The following ENPP1 variants were observed in gnomAD, a reference collection of about 807,000 sequenced individuals.
ENPP1 encodes ectonucleotide pyrophosphatase/phosphodiesterase 1.
Under a neutral mutation model 122.8 loss-of-function variants are expected in ENPP1, and 73 were observed. The ratio of observed to expected loss-of-function variants is 0.59; its 90% CI spans 0.49 to 0.72. ENPP1 has a LOEUF of 0.72. Ranked by LOEUF, ENPP1 falls within the 30% of genes least tolerant of loss-of-function variation. The pLI, the probability that ENPP1 is intolerant of heterozygous loss-of-function variation, is 0.00. For missense variants in ENPP1, 978 were observed against 1,128.1 expected, an observed-to-expected ratio of 0.87 and a Z score of 1.91; for synonymous variants, 367 against 391.6, an observed-to-expected ratio of 0.94 and a Z score of 0.74.
At chr6:131,886,117 A>G (rs1389861717) in intron 23 of ENPP1, among the ~76,000 whole-genome samples, 1 of 152,248 alleles carries the variant, frequency 6.6e-6, no homozygotes, top group Non-Finnish European at 1.5e-5. Context: ...AGAACAAACA[A>G]TTCATGACAA....
rs62424484 is a variant in ENPP1 at position 131,861,972 on chromosome 6, C to A, written c.1025+268C>A. Among the ~76,000 whole-genome samples the A allele has an allele frequency of 0.048, 7,321 of 151,998 alleles. 278 individuals carry two copies. Among genetic ancestry groups the A allele is most frequent in the African/African-American group, 0.1 (4,135 of 41,464 alleles). On this transcript the variant is annotated intron_variant, in intron 9 of 24. Coordinates refer to ENST00000647893, the MANE Select transcript of ENPP1 (RefSeq NM_006208.3). ...TCACCTGAGGTCAGGAGTTTGAGAC[C>A]AGCCTGACCAAAGTGGTAAAACCCC...
At chr6:131,840,753 G>T (rs1308661250) in intron 1 of ENPP1, among the ~76,000 whole-genome samples, 1 of 152,150 alleles carries the variant, frequency 6.6e-6, no homozygotes, top group Non-Finnish European at 1.5e-5. Flanking sequence ...TGTCTCTCCC[G>T]CACTAGGTCA....
intron 18 of ENPP1, chr6:131,877,573 G>T (rs1038728488): frequency 2.7e-5 from 5 of 181,956 alleles, no homozygotes; most frequent in Admixed American, 2.2e-4. Flanking sequence ...TTGTTTAAAT[G>T]TAGGGAGAAA....
At chr6:131,875,212 A>C (rs545677477) in intron 16 of ENPP1, among the ~76,000 whole-genome samples, 1 of 152,312 alleles carries the variant, frequency 6.6e-6, no homozygotes, top group South Asian at 2.1e-4. Flanking sequence ...AAATTCATAA[A>C]GTTAAAAAAT....
At chr6:131,878,428 C>G (rs183472754) in intron 18 of ENPP1, 114 bp from the exon 19 acceptor site, 4 of 743,550 alleles carry the variant, frequency 5.4e-6, no homozygotes, top group Non-Finnish European at 9.6e-6. Context: ...TAATACAAGA[C>G]TATCATAAAT....
intron 19 of ENPP1, 69 bp downstream of exon 19, chr6:131,878,662 G>T: frequency 8.8e-7 from 1 of 1,142,542 alleles, no homozygotes. Context: ...GAAATGCAGA[G>T]AACTGGCTTG....
At chr6:131,857,720 C>A (rs1781966994) in intron 6 of ENPP1, among the ~76,000 whole-genome samples, 1 of 152,112 alleles carries the variant, frequency 6.6e-6, no homozygotes, top group Non-Finnish European at 1.5e-5. Flanking sequence ...TTAGTGGGTG[C>A]AGCGCACCAG....
At chr6:131,873,712 G>T (rs1782192207) in intron 15 of ENPP1, among the ~76,000 whole-genome samples, 1 of 151,830 alleles carries the variant, frequency 6.6e-6, no homozygotes, top group African/African-American at 2.4e-5. Context: ...AGCTAGTCAT[G>T]ATACATACCC....
chr6:131,843,712 A>G (rs1781770159), intron 1 of ENPP1, among the ~76,000 whole-genome samples: 2 of 142,732 alleles, frequency 1.4e-5, no homozygotes, highest in Admixed American at 1.4e-4. Context: ...ATTTCAGGCC[A>G]TTCAAGTTTG....
chr6:131,882,201 T>C, intron 20 of ENPP1, 144 bp from the exon 21 acceptor site: 6 of 628,622 alleles, frequency 9.5e-6, no homozygotes, highest in Non-Finnish European at 1.7e-5. Flanking sequence ...AAAAGATGAA[T>C]ATACTAGTAG....
At chr6:131,836,934 T>C (rs1781681654) in intron 1 of ENPP1, among the ~76,000 whole-genome samples, 2 of 152,314 alleles carry the variant, frequency 1.3e-5, no homozygotes, top group African/African-American at 4.8e-5. Flanking sequence ...TTAGAGCTCA[T>C]GCAGAGAGGT....
chr6:131,831,114 C>CAAAAAAAAAAAA (rs3036850), intron 1 of ENPP1, among the ~76,000 whole-genome samples: 32 of 59,806 alleles, frequency 5.4e-4, no homozygotes, highest in Non-Finnish European at 7.1e-4. Context: ...GCCCATCTCT[C>CAAAAAAAAAAAA]AAAAAAAAAA....
At chr6:131,869,929 AT>A (rs1181849538) in intron 13 of ENPP1, among the ~76,000 whole-genome samples, 1 of 151,708 alleles carries the variant, frequency 6.6e-6, no homozygotes, top group Non-Finnish European at 1.5e-5. Context: ...ATCACAGTTA[AT>A]TTTTTTATGA....
chr6:131,887,498 T>A (rs1782396933), intron 24 of ENPP1, among the ~76,000 whole-genome samples: 1 of 150,644 alleles, frequency 6.6e-6, no homozygotes, highest in Non-Finnish European at 1.5e-5. Flanking sequence ...GTTCACACCA[T>A]TCTCCTGCCT....
intron 11 of ENPP1, among the ~76,000 whole-genome samples, chr6:131,865,657 G>A (rs1782080057): frequency 1.3e-5 from 2 of 152,082 alleles, no homozygotes; most frequent in African/African-American, 2.4e-5. Flanking sequence ...AATTACTTTT[G>A]CACCAACCTA....
intron 1 of ENPP1, among the ~76,000 whole-genome samples, chr6:131,834,859 G>A (rs1293762039): frequency 2.0e-5 from 3 of 152,224 alleles, no homozygotes; most frequent in Admixed American, 6.5e-5. Flanking sequence ...GCGCCCAGCT[G>A]AGGTAATAGT....
At chr6:131,874,171 AG>A in intron 15 of ENPP1, 96 bp from the exon 16 acceptor site, 1 of 841,204 alleles carries the variant, frequency 1.2e-6, no homozygotes, top group South Asian at 1.4e-5. Flanking sequence ...TTAACAAAAT[AG>A]TTACATACTT....
rs75272847 is a variant in ENPP1 at position 131,874,254 on chromosome 6, T to C, written c.1566-14T>C. The C allele has an allele frequency of 0.017, 25,148 of 1,439,562 alleles. 450 individuals are homozygous for C. Among genetic ancestry groups the C allele is most frequent in the African/African-American group, 0.08 (5,740 of 71,362 alleles). 89.2% of individuals were successfully genotyped at this position (1,439,562 alleles called of 1,614,324 possible). A position where few individuals can be genotyped will look rare whatever the true frequency, so the allele number is the denominator to read the frequency against. On this transcript the variant is annotated splice_polypyrimidine_tract_variant and intron_variant, in intron 15 of 24. Coordinates refer to ENST00000647893, the MANE Select transcript of ENPP1 (RefSeq NM_006208.3). ...AAGGACTTTACATTTTTAATTCATATATGTCAACATTAGGAATCCCTCAGA... is the reference window on the plus strand; with the variant it reads ...AAGGACTTTACATTTTTAATTCATACATGTCAACATTAGGAATCCCTCAGA...
intron 1 of ENPP1, among the ~76,000 whole-genome samples, chr6:131,830,182 T>C (rs559871579): frequency 6.6e-6 from 1 of 152,218 alleles, no homozygotes; most frequent in African/African-American, 2.4e-5. Context: ...GGTGTGATGC[T>C]CTTTGGAGGC....
Sources: allele counts gnomAD v4.1 joint callset (sites outside exome capture counted in the v4.1 genomes callset), GRCh38; gene constraint gnomAD v4.1.1; transcripts MANE v1.5; gene names NCBI Gene and HGNC (gene_info 2026-07-23, HGNC 2026-07-21).